CWC27: variants seen among roughly 807,000 people sequenced by gnomAD.
CWC27 encodes the protein CWC27 spliceosome associated cyclophilin, also known as spliceosome-associated protein CWC27 homolog.
Under a neutral mutation model 63.6 loss-of-function variants are expected in CWC27, and 47 were observed. The ratio of observed to expected loss-of-function variants is 0.74; its 90% confidence interval spans 0.58 to 0.94. The LOEUF (loss-of-function observed/expected upper bound fraction) is 0.94. Ranked by LOEUF, CWC27 falls within the 40% of genes least tolerant of loss-of-function variation. CWC27 has a pLI of 0.00. For synonymous variants in CWC27, 175 were observed against 179.8 expected (o/e 0.97, Z 0.22); for missense variants, 495 against 554.3 (o/e 0.89, Z 1.07).
rs146023581 is a variant in CWC27 at position 64,809,602 on chromosome 5, C to T, written c.938+5216C>T. 5.2e-3 allele frequency among the ~76,000 whole-genome samples: 787 copies of T among 152,214 alleles called. 7 individuals are homozygous for T. The highest frequency in any genetic ancestry group is 0.017 in the African/African-American group (710 of 41,528). On this transcript the variant is annotated intron_variant, in intron 10 of 13. Coordinates refer to ENST00000381070, the MANE Select transcript of CWC27 (RefSeq NM_005869.4). Reference sequence around the variant, plus strand: ...AAGAATGGTCTCGATCTCCTGACCTCGTGATCCACCCGCCTCTGCCTCCCA... The same window carrying T: ...AAGAATGGTCTCGATCTCCTGACCTTGTGATCCACCCGCCTCTGCCTCCCA...
intron 13 of CWC27, among the ~76,000 whole-genome samples, chr5:65,016,218 T>C (rs1440936802): frequency 6.6e-6 from 1 of 152,178 alleles, no homozygotes; most frequent in Non-Finnish European, 1.5e-5. Flanking sequence ...TATTGTACAA[T>C]ACATTTTCTA....
intron 2 of CWC27, among the ~76,000 whole-genome samples, chr5:64,775,409 G>A (rs537125587): frequency 3.0e-4 from 45 of 152,110 alleles, no homozygotes; most frequent in African/African-American, 1.0e-3. Flanking sequence ...AGGCAGCTTG[G>A]CTTCCTAGCT....
At chr5:64,947,855 T>TC (rs1748619708) in intron 11 of CWC27, among the ~76,000 whole-genome samples, 1 of 152,070 alleles carries the variant, frequency 6.6e-6, no homozygotes, top group Non-Finnish European at 1.5e-5. Flanking sequence ...TAGATGTTCA[T>TC]TTTGGGCATT....
chr5:64,869,035 T>A (rs1408677196), intron 10 of CWC27, among the ~76,000 whole-genome samples: 36 of 152,072 alleles, frequency 2.4e-4, no homozygotes, highest in Admixed American at 2.4e-3. Flanking sequence ...TTGGAACATT[T>A]TTGGAATAGA....
chr5:64,923,042 G>T (rs910244404), intron 11 of CWC27, among the ~76,000 whole-genome samples: 4 of 152,204 alleles, frequency 2.6e-5, no homozygotes, highest in African/African-American at 7.2e-5. Flanking sequence ...TCTGTTGAGG[G>T]TGCTGTGTGC....
At chr5:64,942,178 T>C (rs561597943) in intron 11 of CWC27, among the ~76,000 whole-genome samples, 18 of 151,902 alleles carry the variant, frequency 1.2e-4, no homozygotes, top group Non-Finnish European at 1.9e-4. Flanking sequence ...ATAATCCCAA[T>C]ATTTTAGGAG....
chr5:64,769,281 G>A, intron 1 of CWC27, 93 bp downstream of exon 1: 1 of 1,107,972 alleles, frequency 9.0e-7, no homozygotes, highest in Non-Finnish European at 1.4e-6. Context: ...GGATCTCGTG[G>A]TAGGAAGAGA....
intron 10 of CWC27, among the ~76,000 whole-genome samples, chr5:64,811,187 A>G (rs74374311): frequency 0.014 from 2,108 of 152,168 alleles, 56 homozygotes; most frequent in African/African-American, 0.048. Context: ...GGAAAGTCCT[A>G]TTTTAAAGCT....
At chr5:64,979,965 T>TG (rs1554028710) in intron 13 of CWC27, among the ~76,000 whole-genome samples, 1 of 112,292 alleles carries the variant, frequency 8.9e-6, no homozygotes, top group Admixed American at 9.6e-5. Flanking sequence ...ACTTTTTATG[T>TG]AAAAAAAAAA....
chr5:64,871,179 T>C (rs1746666642), intron 10 of CWC27, among the ~76,000 whole-genome samples: 1 of 152,204 alleles, frequency 6.6e-6, no homozygotes, highest in Non-Finnish European at 1.5e-5. Context: ...TTATTGAGTA[T>C]TGAATGCTGA....
At chr5:64,957,001 A>G (rs563677397) in intron 11 of CWC27, among the ~76,000 whole-genome samples, 5 of 152,304 alleles carry the variant, frequency 3.3e-5, no homozygotes, top group Admixed American at 1.3e-4. Flanking sequence ...ATATTTTAGA[A>G]GCTACTTTAT....
chr5:64,966,030 GATAC>G (rs1253379297), intron 11 of CWC27, among the ~76,000 whole-genome samples: 1 of 152,094 alleles, frequency 6.6e-6, no homozygotes, highest in African/African-American at 2.4e-5. Flanking sequence ...GAAATAAATT[GATAC>G]ATACATTAAA....
At chr5:64,861,572 T>C (rs1451358568) in intron 10 of CWC27, among the ~76,000 whole-genome samples, 1 of 152,210 alleles carries the variant, frequency 6.6e-6, no homozygotes, top group African/African-American at 2.4e-5. Flanking sequence ...TACTTAGTGA[T>C]TGATTTAAAA....
At chr5:64,955,427 T>G (rs796862636) in intron 11 of CWC27, among the ~76,000 whole-genome samples, 3 of 152,270 alleles carry the variant, frequency 2.0e-5, no homozygotes, top group African/African-American at 7.2e-5. Flanking sequence ...AAAGTGCTGT[T>G]TCCTCAAAAA....
chr5:64,830,091 A>G (rs1745477035), intron 10 of CWC27, among the ~76,000 whole-genome samples: 1 of 143,268 alleles, frequency 7.0e-6, no homozygotes, highest in African/African-American at 2.6e-5. Context: ...TTTGTTACAT[A>G]TGTATACATG....
rs573960443 is a variant in CWC27, at chr5:64,831,599, A to G, written c.938+27213A>G. 3.9e-5 allele frequency among the ~76,000 whole-genome samples: 6 copies of G among 152,080 alleles called. No homozygotes were observed. In the East Asian group the frequency reaches 1.2e-3, roughly 29 times the overall value. On this transcript the variant is annotated intron_variant, in intron 10 of 13. Transcript: ENST00000381070. ...AGAAATTTTAAAAAACATTTGAAAAATTACCTATAAGGTTTTATGTTGATT... is the reference window on the plus strand; with the variant it reads ...AGAAATTTTAAAAAACATTTGAAAAGTTACCTATAAGGTTTTATGTTGATT...
intron 11 of CWC27, among the ~76,000 whole-genome samples, chr5:64,921,346 G>A (rs1207144241): frequency 6.6e-6 from 1 of 151,950 alleles, no homozygotes; most frequent in Non-Finnish European, 1.5e-5. Context: ...CTTGCTTCAT[G>A]GCCTAGCTTG....
chr5:64,930,966 G>A (rs1340623619), intron 11 of CWC27, among the ~76,000 whole-genome samples: 40 of 152,008 alleles, frequency 2.6e-4, no homozygotes. Flanking sequence ...TCCATGTTGT[G>A]AAATAAAAAG....
At chr5:64,968,263 T>C (rs1749060336) in intron 11 of CWC27, among the ~76,000 whole-genome samples, 1 of 152,018 alleles carries the variant, frequency 6.6e-6, no homozygotes, top group Non-Finnish European at 1.5e-5. Context: ...ACTCAACCTC[T>C]CCTATATTGC....
Sources: gnomAD v4.1 joint callset for allele counts (sites outside exome capture counted in the v4.1 genomes callset) on GRCh38, gnomAD v4.1.1 for gene constraint, MANE v1.5 for transcripts, NCBI Gene and HGNC (gene_info 2026-07-23, HGNC 2026-07-21) for gene names.